KCNK13: variants seen among roughly 807,000 people sequenced by gnomAD.
KCNK13 encodes potassium channel subfamily K member 13.
In KCNK13, 12 loss-of-function variants were observed where a neutral mutation model predicts 23.4. That is an observed-to-expected ratio of 0.51 (90% CI 0.33 to 0.83). The LOEUF is 0.83. Ranked by LOEUF, KCNK13 falls within the 40% of genes least tolerant of loss-of-function variation. The pLI, the probability that KCNK13 is intolerant of heterozygous loss-of-function variation, is 0.02. For missense variants in KCNK13, 463 were observed against 556.3 expected (o/e 0.83, Z 1.69); for synonymous variants, 231 against 229.5 (o/e 1.01, Z -0.06).
chr14:90,098,609 T>C (rs1423906128), intron 1 of KCNK13, among the ~76,000 whole-genome samples: 1 of 150,178 alleles, frequency 6.7e-6, no homozygotes, highest in Non-Finnish European at 1.5e-5. Context: ...GGCGAGATCA[T>C]GCCACTGCAC....
At chr14:90,111,248 CAGAT>C (rs1034751346) in intron 1 of KCNK13, among the ~76,000 whole-genome samples, 10 of 152,104 alleles carry the variant, frequency 6.6e-5, no homozygotes, top group Admixed American at 2.6e-4. Context: ...TCTGGGGTGT[CAGAT>C]AGAGGATGGA....
At chr14:90,078,508 GAAAA>G (rs1232553120) in intron 1 of KCNK13, among the ~76,000 whole-genome samples, 8 of 150,384 alleles carry the variant, frequency 5.3e-5, no homozygotes, top group Non-Finnish European at 1.0e-4. Flanking sequence ...AGGAAAGAAA[GAAAA>G]AGAAAGAATA....
chr14:90,134,108 C>T (rs1391481099), intron 1 of KCNK13, among the ~76,000 whole-genome samples: 1 of 152,124 alleles, frequency 6.6e-6, no homozygotes, highest in Non-Finnish European at 1.5e-5. Context: ...GTCCCAGTTA[C>T]TCGGGAGGCT....
chr14:90,142,359 C>A (rs1472376026), intron 1 of KCNK13, among the ~76,000 whole-genome samples: 1 of 130,662 alleles, frequency 7.7e-6, no homozygotes, highest in African/African-American at 2.9e-5. Context: ...CGGTCTGTCA[C>A]CCAGACTGGA....
chr14:90,157,442 C>T (rs1890206289), intron 1 of KCNK13, among the ~76,000 whole-genome samples: 1 of 152,214 alleles, frequency 6.6e-6, no homozygotes, highest in African/African-American at 2.4e-5. Flanking sequence ...GTCACCCAGG[C>T]TGGAGTGCAG....
intron 1 of KCNK13, among the ~76,000 whole-genome samples, chr14:90,175,826 T>C (rs1409935582): frequency 6.6e-6 from 1 of 152,192 alleles, no homozygotes; most frequent in Non-Finnish European, 1.5e-5. Flanking sequence ...AGCTGTAGCC[T>C]TGGCTTGGGC....
rs778089363 is a variant in KCNK13, at chr14:90,184,657, T to C, written c.881T>C (p.Met294Thr). The C allele has an allele frequency of 2.5e-6, 4 of 1,614,222 alleles. No individual in the cohort carries two copies. The Admixed American group carries it at 5.0e-5, about 20-fold the overall frequency. ...KQSLNWILRK[M>T]DSGCCPQCQR... ...TCCTTGAACTGGATCCTGAGGAAAA[T>C]GGACAGCGGGTGCTGCCCGCAATGC... Residue 294 changes from methionine to threonine, a missense_variant, in exon 2 of 2, where the codon ATG (methionine) becomes ACG (threonine). By Grantham distance (81) the Met-to-Thr change is moderately conservative. Transcript: ENST00000282146. This position sits in a 1 kb window ranked among gnomAD's most constrained non-coding sequence, Gnocchi z 5.6.
chr14:90,170,340 A>G (rs1890350630), intron 1 of KCNK13, among the ~76,000 whole-genome samples: 1 of 151,988 alleles, frequency 6.6e-6, no homozygotes, highest in Admixed American at 6.6e-5. Flanking sequence ...CAGCCTCCCA[A>G]GTAACTGGGA....
chr14:90,149,023 C>T (rs1273939521), intron 1 of KCNK13, among the ~76,000 whole-genome samples: 1 of 152,176 alleles, frequency 6.6e-6, no homozygotes, highest in East Asian at 1.9e-4. Context: ...CGTTTTCATA[C>T]TGCTATGAAG....
intron 1 of KCNK13, among the ~76,000 whole-genome samples, chr14:90,143,916 G>C (rs1298347252): frequency 1.3e-5 from 2 of 152,196 alleles, no homozygotes; most frequent in Admixed American, 6.5e-5. Flanking sequence ...ATTCCTATTT[G>C]CTTTTCAATT....
At chr14:90,160,445 AG>A (rs1890240646) in intron 1 of KCNK13, among the ~76,000 whole-genome samples, 1 of 152,214 alleles carries the variant, frequency 6.6e-6, no homozygotes, top group African/African-American at 2.4e-5. Flanking sequence ...CTGTGAGGTC[AG>A]GGCCTGTACA....
chr14:90,176,357 C>G (rs576097434), intron 1 of KCNK13, among the ~76,000 whole-genome samples: 5 of 152,152 alleles, frequency 3.3e-5, no homozygotes, highest in Admixed American at 6.5e-5. Flanking sequence ...TACAATGGGC[C>G]CAGTGAGGAC....
intron 1 of KCNK13, among the ~76,000 whole-genome samples, chr14:90,087,154 A>ATATATATATTTT (rs1282261147): frequency 3.7e-5 from 4 of 107,646 alleles, no homozygotes; most frequent in African/African-American, 1.5e-4. Context: ...ATATATATAT[A>ATATATATATTTT]TTTTTTTTTT....
intron 1 of KCNK13, among the ~76,000 whole-genome samples, chr14:90,078,865 T>A (rs921230260): frequency 5.9e-5 from 9 of 152,168 alleles, no homozygotes; most frequent in Admixed American, 2.0e-4. Context: ...TTAGAGAAAG[T>A]CAGGCTCAAA....
chr14:90,181,038 G>T lies in KCNK13; in HGVS notation c.335-3073G>T, dbSNP rs1336518626. ...CGCCCAGCTAATTTTTGTATTTTTA[G>T]TGGAGACAGGGTTTCACCAGGTTGG... is the stretch of plus-strand genomic sequence containing the variant. On this transcript the variant is annotated intron_variant, in intron 1 of 1. Coordinates refer to ENST00000282146, the MANE Select transcript of KCNK13 (RefSeq NM_022054.4). Among the ~76,000 whole-genome samples, 3 of 152,264 alleles carry T rather than the reference G, an allele frequency of 2.0e-5. No homozygotes were observed. The East Asian group carries it at 5.8e-4, about 29-fold the overall frequency.
chr14:90,071,813 A>T (rs1174143756), intron 1 of KCNK13, among the ~76,000 whole-genome samples: 1 of 151,842 alleles, frequency 6.6e-6, no homozygotes, highest in Non-Finnish European at 1.5e-5. Context: ...CAGGAGAATC[A>T]CTTGAACCTG....
At chr14:90,128,886 T>G (rs1413341565) in intron 1 of KCNK13, among the ~76,000 whole-genome samples, 5 of 152,158 alleles carry the variant, frequency 3.3e-5, no homozygotes, top group African/African-American at 1.2e-4. Flanking sequence ...AATGGACACC[T>G]TGAGCCGTCC....
At chr14:90,107,267 C>G (rs1889555682) in intron 1 of KCNK13, among the ~76,000 whole-genome samples, 1 of 152,120 alleles carries the variant, frequency 6.6e-6, no homozygotes, top group Non-Finnish European at 1.5e-5. Context: ...ATCACGAGGT[C>G]AGGAGATTGA....
chr14:90,157,669 C>A (rs565432822), intron 1 of KCNK13, among the ~76,000 whole-genome samples: 2 of 145,224 alleles, frequency 1.4e-5, no homozygotes, highest in Non-Finnish European at 3.0e-5. Flanking sequence ...GCTGGGATTA[C>A]AGGCATGGGC....
Sources: allele counts gnomAD v4.1 joint callset (sites outside exome capture counted in the v4.1 genomes callset), GRCh38; gene constraint gnomAD v4.1.1; non-coding constraint Gnocchi (gnomAD v3.1); transcripts MANE v1.5; gene names NCBI Gene and HGNC (gene_info 2026-07-23, HGNC 2026-07-21).